Variants in SUGCT observed in about 807,000 individuals in gnomAD.
SUGCT encodes the protein succinyl-CoA:glutarate-CoA transferase.
A neutral mutation model predicts 55.0 loss-of-function variants in SUGCT; 41 were observed. That is an observed-to-expected ratio of 0.74 (90% CI 0.58 to 0.97). The LOEUF (loss-of-function observed/expected upper bound fraction) is 0.97. Among genes scored for constraint, SUGCT ranks in the 50% least tolerant of loss-of-function variants. SUGCT has a pLI of 0.00. For synonymous variants in SUGCT, 187 were observed against 200.4 expected (o/e 0.93, Z 0.56); for missense variants, 568 against 547.8 (o/e 1.04, Z -0.37).
chr7:40,997,687 C>T, the SUGCT span, among the ~76,000 whole-genome samples: 1 of 152,172 alleles, frequency 6.6e-6, no homozygotes, highest in Non-Finnish European at 1.5e-5. Context: ...CTCATAATTT[C>T]CCATGTAATT....
chr7:40,444,818 G>A (rs1197789054), intron 9 of SUGCT, among the ~76,000 whole-genome samples: 1 of 152,160 alleles, frequency 6.6e-6, no homozygotes, highest in Non-Finnish European at 1.5e-5. Context: ...CAAAGGGAAT[G>A]CTTCCAGTTT....
intron 1 of SUGCT, among the ~76,000 whole-genome samples, chr7:40,146,034 A>G (rs1445330039): frequency 6.6e-6 from 1 of 151,782 alleles, no homozygotes; most frequent in Non-Finnish European, 1.5e-5. Flanking sequence ...TTAATGTTAA[A>G]TCATCTTTTT....
intron 2 of SUGCT, among the ~76,000 whole-genome samples, 175 bp downstream of exon 2, chr7:40,181,173 T>C (rs1253453301): frequency 6.6e-6 from 1 of 152,158 alleles, no homozygotes; most frequent in Non-Finnish European, 1.5e-5. Flanking sequence ...TAGTGTAGTA[T>C]TTATGCCTTT....
chr7:40,972,652 C>T, the SUGCT span, among the ~76,000 whole-genome samples: 505 of 152,296 alleles, frequency 3.3e-3, 5 homozygotes, highest in African/African-American at 0.012. Flanking sequence ...AGGTTGCTTG[C>T]TATAAGCACC....
At chr7:40,964,268 C>T in the SUGCT span, among the ~76,000 whole-genome samples, 1 of 152,142 alleles carries the variant, frequency 6.6e-6, no homozygotes, top group African/African-American at 2.4e-5. Flanking sequence ...GAAGGCTCCA[C>T]TTATATCAAA....
chr7:40,991,421 A>G, the SUGCT span, among the ~76,000 whole-genome samples: 1 of 152,250 alleles, frequency 6.6e-6, no homozygotes, highest in Non-Finnish European at 1.5e-5. Context: ...AAATATTTTG[A>G]GAATTACCAA....
At chr7:40,335,783 T>C (rs1364554324) in intron 9 of SUGCT, among the ~76,000 whole-genome samples, 2 of 152,296 alleles carry the variant, frequency 1.3e-5, no homozygotes, top group East Asian at 3.9e-4. Flanking sequence ...TCCAACACTA[T>C]GTTGAATAGG....
intron 13 of SUGCT, among the ~76,000 whole-genome samples, chr7:40,843,520 G>A (rs1584522585): frequency 3.2e-5 from 3 of 93,256 alleles, no homozygotes; most frequent in African/African-American, 6.9e-5. Flanking sequence ...AAAAAAAAAA[G>A]TTGAAGTGAG....
intron 8 of SUGCT, among the ~76,000 whole-genome samples, chr7:40,296,088 T>C (rs1320480749): frequency 6.6e-6 from 1 of 152,192 alleles, no homozygotes; most frequent in African/African-American, 2.4e-5. Context: ...TGAGATGCTG[T>C]TAATAGTTTG....
At chr7:40,705,237 G>A (rs1313973227) in intron 12 of SUGCT, among the ~76,000 whole-genome samples, 1 of 152,158 alleles carries the variant, frequency 6.6e-6, no homozygotes, top group African/African-American at 2.4e-5. Context: ...GAGAAGTCCT[G>A]TGTACCCAAT....
intron 10 of SUGCT, among the ~76,000 whole-genome samples, chr7:40,454,084 A>G (rs759124962): frequency 1.5e-4 from 23 of 152,156 alleles, no homozygotes; most frequent in Non-Finnish European, 2.6e-4. Flanking sequence ...AAGATAGATC[A>G]ATAGAAATTA....
At chr7:40,928,929 T>C in the SUGCT span, among the ~76,000 whole-genome samples, 1 of 152,110 alleles carries the variant, frequency 6.6e-6, no homozygotes, top group Non-Finnish European at 1.5e-5. Context: ...TCTTTTTCTT[T>C]CTTTCTTCCT....
At chr7:40,829,839 C>T (rs1792559180) in intron 13 of SUGCT, among the ~76,000 whole-genome samples, 1 of 152,166 alleles carries the variant, frequency 6.6e-6, no homozygotes, top group Non-Finnish European at 1.5e-5. Context: ...AGCTCCAGGG[C>T]CTGCATCACA....
chr7:40,301,663 C>T (rs1353105563), intron 8 of SUGCT, among the ~76,000 whole-genome samples: 1 of 152,186 alleles, frequency 6.6e-6, no homozygotes, highest in African/African-American at 2.4e-5. Flanking sequence ...CACAGAAGCT[C>T]AAGAGAGCAG....
At chr7:40,806,204 G>T (rs916904352) in intron 13 of SUGCT, among the ~76,000 whole-genome samples, 10 of 152,142 alleles carry the variant, frequency 6.6e-5, no homozygotes, top group Admixed American at 1.3e-4. Context: ...ACTCTGTAAC[G>T]TTGGTGGAGT....
intron 7 of SUGCT, among the ~76,000 whole-genome samples, chr7:40,259,747 T>C (rs1786266542): frequency 6.6e-6 from 1 of 152,228 alleles, no homozygotes; most frequent in Non-Finnish European, 1.5e-5. Context: ...TTTTGTGTTA[T>C]TTGTGAAGAT....
chr7:40,369,422 T>G (rs1266261506), intron 9 of SUGCT, among the ~76,000 whole-genome samples: 5 of 152,170 alleles, frequency 3.3e-5, no homozygotes, highest in Admixed American at 3.3e-4. Flanking sequence ...ATTTTTTCCT[T>G]TTCACAGATC....
chr7:40,506,007 G>T (rs11976640), intron 12 of SUGCT, among the ~76,000 whole-genome samples: 8,780 of 151,980 alleles, frequency 0.058, 849 homozygotes, highest in African/African-American at 0.2. Flanking sequence ...TATTGAAATT[G>T]CTTTTTAAAT....
At chr7:40,405,889 A>G (rs1157284035) in intron 9 of SUGCT, among the ~76,000 whole-genome samples, 2 of 151,930 alleles carry the variant, frequency 1.3e-5, no homozygotes, top group Non-Finnish European at 2.9e-5. Context: ...GCAGATTTTC[A>G]TGGTGATGCC....
Sources: allele counts gnomAD v4.1 joint callset (sites outside exome capture counted in the v4.1 genomes callset), GRCh38; gene constraint gnomAD v4.1.1; transcripts MANE v1.5; gene names NCBI Gene and HGNC (gene_info 2026-07-23, HGNC 2026-07-21).